The following NPFFR2 variants were observed in gnomAD, a reference collection of about 807,000 sequenced individuals.
NPFFR2 encodes G-protein coupled receptor 74.
In NPFFR2, 15 loss-of-function variants were observed where a neutral mutation model predicts 13.1. The observed-to-expected ratio is 1.15, with a 90% CI of 0.77 to 1.76. The LOEUF (loss-of-function observed/expected upper bound fraction) is 1.76, where lower values mean the gene tolerates loss of function less well. Among genes scored for constraint, NPFFR2 ranks in the 40% most tolerant of loss-of-function variants. NPFFR2 has a pLI of 0.00. For missense variants in NPFFR2, 572 were observed against 503.5 expected (o/e 1.14, Z -1.30); for synonymous variants, 190 against 175.7 (o/e 1.08, Z -0.65).
In NPFFR2 at chr4:72,128,735, C is replaced by G. The variant is rs376287922; in HGVS notation, c.144C>G (p.Phe48Leu). 74 of 1,614,110 alleles carry G rather than the reference C, an allele frequency of 4.6e-5. No homozygotes were observed. In the South Asian group the frequency reaches 7.1e-4, roughly 16 times the overall value. Residue 48 changes from phenylalanine (F) to leucine (L), a missense_variant, in exon 2 of 4, where the codon TTC (phenylalanine) becomes TTG (leucine). Transcript: ENST00000308744. ...ACCAGCCTCAAGTGGCAGCAATCTTCATTATTTCCTACTTTCTGATCTTCT... is the reference window on the plus strand; with the variant it reads ...ACCAGCCTCAAGTGGCAGCAATCTTGATTATTTCCTACTTTCTGATCTTCT... The part of the protein sequence containing the change: ...YLHQPQVAAI[F>L]IISYFLIFFL...
chr4:72,083,102 ATG>A (rs1320498017), intron 1 of NPFFR2, among the ~76,000 whole-genome samples: 2 of 152,176 alleles, frequency 1.3e-5, no homozygotes, highest in African/African-American at 2.4e-5. Flanking sequence ...AAAGTGACAT[ATG>A]TATCACACTT....
At chr4:72,121,434 C>T (rs1374095596) in intron 1 of NPFFR2, among the ~76,000 whole-genome samples, 1 of 151,910 alleles carries the variant, frequency 6.6e-6, no homozygotes, top group Non-Finnish European at 1.5e-5. Flanking sequence ...AGAGAAACAC[C>T]AAGAAACATA....
intron 1 of NPFFR2, among the ~76,000 whole-genome samples, chr4:72,089,869 G>T (rs1343076618): frequency 3.3e-5 from 5 of 151,922 alleles, no homozygotes; most frequent in African/African-American, 1.2e-4. Context: ...ATTTGCTTTT[G>T]GGTTCTTGGC....
chr4:72,058,306 G>A (rs1719819842), intron 1 of NPFFR2, among the ~76,000 whole-genome samples: 1 of 151,726 alleles, frequency 6.6e-6, no homozygotes, highest in Non-Finnish European at 1.5e-5. Flanking sequence ...GGCAAAGTGT[G>A]AATATTTGGG....
intron 3 of NPFFR2, among the ~76,000 whole-genome samples, chr4:72,138,729 C>T (rs1479672801): frequency 2.6e-5 from 4 of 152,102 alleles, no homozygotes; most frequent in Non-Finnish European, 5.9e-5. Context: ...CATACGTGTG[C>T]ATGTGTCTTT....
chr4:72,127,397 T>C (rs867574655), intron 1 of NPFFR2, among the ~76,000 whole-genome samples: 5 of 91,896 alleles, frequency 5.4e-5, no homozygotes, highest in Admixed American at 1.3e-4. Flanking sequence ...GGAGTCTCGC[T>C]CTGTCGCCCA....
chr4:72,053,111 G>T (rs778508803), intron 1 of NPFFR2, among the ~76,000 whole-genome samples: 1 of 151,828 alleles, frequency 6.6e-6, no homozygotes, highest in African/African-American at 2.4e-5. Context: ...TCCTGGGGCT[G>T]TGTCGTTGGC....
chr4:72,106,930 G>T (rs1237542025), intron 1 of NPFFR2, among the ~76,000 whole-genome samples: 1 of 151,930 alleles, frequency 6.6e-6, no homozygotes, highest in African/African-American at 2.4e-5. Flanking sequence ...TACAAATATA[G>T]TTGCTTTCAC....
intron 1 of NPFFR2, among the ~76,000 whole-genome samples, chr4:72,036,183 C>A (rs1719034272): frequency 6.6e-6 from 1 of 152,042 alleles, no homozygotes; most frequent in African/African-American, 2.4e-5. Flanking sequence ...AACTGAGGCT[C>A]AGAAATAATT....
At position 72,079,876 on chromosome 4, in the gene NPFFR2, A is replaced by G. The variant is rs550633952; in HGVS notation, c.-8+47676A>G. On this transcript the variant is annotated intron_variant, in intron 1 of 3. Transcript: ENST00000308744. ...GCCAAATGGAGACATCTCTTACATG[A>G]TTGTCAGATTTTACTTGTTGAATGA... 2.0e-5 allele frequency among the ~76,000 whole-genome samples: 3 copies of G among 152,296 alleles called. No homozygotes were observed. The East Asian group carries it at 5.8e-4, about 29-fold the overall frequency.
At chr4:72,138,199 G>C in intron 3 of NPFFR2, 60 bp downstream of exon 3, 1 of 1,039,100 alleles carries the variant, frequency 9.6e-7, no homozygotes, top group African/African-American at 1.6e-5. Context: ...TAGTATACCA[G>C]AAAAATATAT....
intron 3 of NPFFR2, chr4:72,146,429 T>C (rs1722783897): frequency 6.6e-6 from 1 of 152,152 alleles, no homozygotes; most frequent in Non-Finnish European, 1.5e-5. Context: ...TAATATCCTA[T>C]TGGTCAAAGC....
intron 1 of NPFFR2, among the ~76,000 whole-genome samples, chr4:72,077,224 C>T (rs1720473057): frequency 1.3e-5 from 2 of 152,058 alleles, no homozygotes; most frequent in Non-Finnish European, 2.9e-5. Context: ...ACTAATGTAA[C>T]CCTGTACATT....
intron 1 of NPFFR2, among the ~76,000 whole-genome samples, chr4:72,078,804 G>C (rs1034007677): frequency 6.6e-6 from 1 of 151,934 alleles, no homozygotes; most frequent in Non-Finnish European, 1.5e-5. Flanking sequence ...CAATTCAGTG[G>C]AATTATGCTG....
chr4:72,117,413 T>C (rs1047400808), intron 1 of NPFFR2, among the ~76,000 whole-genome samples: 1 of 152,232 alleles, frequency 6.6e-6, no homozygotes, highest in Non-Finnish European at 1.5e-5. Flanking sequence ...AGGTTTCATC[T>C]TTAGAGTTTG....
chr4:72,076,776 C>T (rs1181736140), intron 1 of NPFFR2, among the ~76,000 whole-genome samples: 2 of 152,130 alleles, frequency 1.3e-5, no homozygotes, highest in Non-Finnish European at 2.9e-5. Context: ...CAAGCAAATT[C>T]ATTCAACAGT....
At chr4:72,120,263 CAG>C (rs1465604666) in intron 1 of NPFFR2, among the ~76,000 whole-genome samples, 1 of 152,224 alleles carries the variant, frequency 6.6e-6, no homozygotes, top group African/African-American at 2.4e-5. Flanking sequence ...GCAGCCCAAA[CAG>C]GGGCTTATAG....
At position 72,137,095 on chromosome 4, in the gene NPFFR2, T is replaced by C. The variant is rs866380245; in HGVS notation, c.329-945T>C. Among the ~76,000 whole-genome samples the C allele has an allele frequency of 3.3e-5, 5 of 152,278 alleles. No homozygotes were observed. In the South Asian group the frequency reaches 8.3e-4, roughly 25 times the overall value. The stretch of plus-strand genomic sequence containing the variant: ...TTAGAACTGAAAAAGACATTCTCTT[T>C]TAGTTTCCACTCACTAGAGTCACTC... On this transcript the variant is annotated intron_variant, in intron 2 of 3. Transcript: ENST00000308744.
intron 1 of NPFFR2, among the ~76,000 whole-genome samples, chr4:72,083,186 A>G (rs1172594901): frequency 6.6e-6 from 1 of 152,140 alleles, no homozygotes; most frequent in East Asian, 1.9e-4. Flanking sequence ...TACTGATTTA[A>G]TTTCCTTTGA....
Sources: allele counts gnomAD v4.1 joint callset (sites outside exome capture counted in the v4.1 genomes callset), GRCh38; gene constraint gnomAD v4.1.1; transcripts MANE v1.5; gene names NCBI Gene and HGNC (gene_info 2026-07-23, HGNC 2026-07-21).